The following HSPA4 variants were observed in gnomAD, a reference collection of about 807,000 sequenced individuals.
HSPA4 encodes heat shock 70 kDa protein 4.
In HSPA4, 25 loss-of-function variants were observed where a neutral mutation model predicts 106.2. The observed-to-expected ratio is 0.24, with a 90% confidence interval of 0.17 to 0.33. The LOEUF (loss-of-function observed/expected upper bound fraction) is 0.33. Among genes scored for constraint, HSPA4 ranks in the 10% least tolerant of loss-of-function variants. The probability of loss-of-function intolerance (pLI) is 1.00; values close to 1 mark genes in which losing one functional copy is unlikely to be tolerated. For synonymous variants in HSPA4, 332 were observed against 333.6 expected, an observed-to-expected ratio of 1.00 and a Z score of 0.05; for missense variants, 841 against 996.0, an observed-to-expected ratio of 0.84 and a Z score of 2.10.
intron 1 of HSPA4, among the ~76,000 whole-genome samples, chr5:133,055,307 ATT>A (rs397999293): frequency 6.8e-3 from 409 of 60,020 alleles, no homozygotes; most frequent in African/African-American, 0.014. Context: ...AGGAAGGTTG[ATT>A]TTTTTTTTTT....
chr5:133,068,470 G>C (rs1765339851), intron 3 of HSPA4, among the ~76,000 whole-genome samples: 1 of 152,080 alleles, frequency 6.6e-6, no homozygotes, highest in African/African-American at 2.4e-5. Flanking sequence ...AGGCAGGTGA[G>C]ATTACGGAGA....
intron 13 of HSPA4, among the ~76,000 whole-genome samples, chr5:133,094,188 A>G (rs1458507290): frequency 6.6e-6 from 1 of 152,228 alleles, no homozygotes; most frequent in Non-Finnish European, 1.5e-5. Context: ...AACATTTTTG[A>G]ATCCTTTACA....
rs72667113 is a variant in HSPA4, at chr5:133,089,051, C to G, written c.1138-4C>G. 1.9e-6 allele frequency: 3 copies of G among 1,546,620 alleles called. No individual in the cohort carries two copies. The highest frequency in any genetic ancestry group is 4.5e-5 in the East Asian group (2 of 44,044). ...AACGGAATTTTTGAAAATTATTATT[C>G]TAGTGTGCCATCTTATCGCCTGCTT... On this transcript the variant is annotated splice_polypyrimidine_tract_variant and splice_region_variant and intron_variant, in intron 9 of 18. Transcript: ENST00000304858.
chr5:133,071,341 G>C (rs1030083356), intron 4 of HSPA4, among the ~76,000 whole-genome samples: 3 of 147,930 alleles, frequency 2.0e-5, no homozygotes, highest in African/African-American at 7.5e-5. Context: ...CACACCTGTA[G>C]TCCCAGCTAC....
rs1765640311 is a variant in HSPA4 at position 133,091,012 on chromosome 5, AAAG to A, written c.1379-175_1379-173del. 5.5e-5 allele frequency: 38 copies of A among 692,794 alleles called. No homozygotes were observed. The South Asian group carries it at 5.6e-4, about 10-fold the overall frequency. The allele number at this position is 692,794 out of a possible 1,614,324, so 42.9% of individuals were successfully genotyped here. A position where few individuals can be genotyped will look rare whatever the true frequency, so the allele number is the denominator to read the frequency against. ...CAGGATAAGATAATAAGAGACTGTG[AAAG>A]AAGAAAGAGAAATCTGATGATTTAA... On this transcript the variant is annotated intron_variant, in intron 11 of 18. Transcript: ENST00000304858.
intron 17 of HSPA4, among the ~76,000 whole-genome samples, chr5:133,102,835 CA>C (rs997048339): frequency 2.6e-5 from 4 of 151,286 alleles, no homozygotes; most frequent in Non-Finnish European, 5.9e-5. Context: ...CTCTCTGACT[CA>C]AGCAGTTCTC....
intron 11 of HSPA4, among the ~76,000 whole-genome samples, chr5:133,090,530 A>G (rs1765634752): frequency 6.6e-6 from 1 of 151,818 alleles, no homozygotes; most frequent in Non-Finnish European, 1.5e-5. Flanking sequence ...CGTGTTATCT[A>G]GAGTAGTTAT....
chr5:133,099,750 A>G (rs1378868938), intron 16 of HSPA4, 98 bp downstream of exon 16: 2 of 555,834 alleles, frequency 3.6e-6, no homozygotes, highest in African/African-American at 3.7e-5. Context: ...AGACAGACTG[A>G]AAATGATGTT....
intron 1 of HSPA4, among the ~76,000 whole-genome samples, chr5:133,058,891 G>T (rs1179111233): frequency 6.6e-6 from 1 of 152,100 alleles, no homozygotes; most frequent in Non-Finnish European, 1.5e-5. Flanking sequence ...ACTTTCGAAG[G>T]CCGAGGTGGG....
At position 133,071,661 on chromosome 5, in the gene HSPA4, T is replaced by C. The variant is rs1368789998; in HGVS notation, c.429+1165T>C. On this transcript the variant is annotated intron_variant, in intron 4 of 18. Coordinates refer to ENST00000304858, the MANE Select transcript of HSPA4 (RefSeq NM_002154.4). ...TACTTTAGTTTCATGGCCTCTTTTGTCTTAATGTTGGTGCATTGATTGGCA... is the reference window on the plus strand; with the variant it reads ...TACTTTAGTTTCATGGCCTCTTTTGCCTTAATGTTGGTGCATTGATTGGCA... Among the ~76,000 whole-genome samples the C allele has an allele frequency of 2.0e-5, 3 of 152,202 alleles. 1 individual carries two copies. The highest frequency in any genetic ancestry group is 4.4e-5 in the Non-Finnish European group (3 of 68,040).
intron 1 of HSPA4, among the ~76,000 whole-genome samples, chr5:133,061,938 A>T (rs566467477): frequency 5.9e-5 from 9 of 152,188 alleles, no homozygotes; most frequent in African/African-American, 2.2e-4. Context: ...CCGGTAAACG[A>T]TTACTTTTTA....
At chr5:133,076,945 C>A in intron 7 of HSPA4, 47 bp downstream of exon 7, 1 of 1,458,216 alleles carries the variant, frequency 6.9e-7, no homozygotes, top group South Asian at 1.2e-5. Flanking sequence ...TGAGTTTTCT[C>A]CACATATATT....
At chr5:133,075,096 C>T (rs1053809969) in intron 6 of HSPA4, among the ~76,000 whole-genome samples, 8 of 151,788 alleles carry the variant, frequency 5.3e-5, no homozygotes, top group South Asian at 2.1e-4. Context: ...GAAAAATAGA[C>T]GTTTCCACTT....
chr5:133,088,379 A>ATTT (rs1205101343), intron 8 of HSPA4, 25 bp from the exon 9 acceptor site: 3 of 1,500,974 alleles, frequency 2.0e-6, no homozygotes, highest in Admixed American at 3.6e-5. Context: ...TCATTAAAAA[A>ATTT]ATCTGTCTAA....
chr5:133,095,693 G>C (rs150157705), intron 13 of HSPA4, among the ~76,000 whole-genome samples: 1 of 151,962 alleles, frequency 6.6e-6, no homozygotes, highest in Admixed American at 6.6e-5. Flanking sequence ...ATATTGATAC[G>C]GGATTGTAGG....
chr5:133,057,651 G>A (rs1765184967), intron 1 of HSPA4, among the ~76,000 whole-genome samples: 1 of 152,214 alleles, frequency 6.6e-6, no homozygotes, highest in African/African-American at 2.4e-5. Flanking sequence ...AAGGAAAACA[G>A]TGATATTGTC....
At chr5:133,100,211 G>A (rs1765767075) in intron 16 of HSPA4, among the ~76,000 whole-genome samples, 1 of 151,500 alleles carries the variant, frequency 6.6e-6, no homozygotes, top group Non-Finnish European at 1.5e-5. Flanking sequence ...TTACAGGCGC[G>A]TGCCACCATG....
At chr5:133,103,814 G>C in intron 17 of HSPA4, 51 bp from the exon 18 acceptor site, 1 of 1,489,334 alleles carries the variant, frequency 6.7e-7, no homozygotes. Flanking sequence ...TAGTTGCGGG[G>C]AGGGAGGGTA....
In HSPA4 at chr5:133,052,191, G is replaced by T; in HGVS notation, c.-60G>T. ...GCTTTCCACTCGCTAGCCCCGCCGG[G>T]GGTCCGTGTCCTGTCTCGGTGGCCG... On this transcript the variant is annotated 5_prime_UTR_variant, in exon 1 of 19. Coordinates refer to ENST00000304858, the MANE Select transcript of HSPA4 (RefSeq NM_002154.4). The T allele has an allele frequency of 8.5e-7, 1 of 1,178,036 alleles. No homozygotes were observed. Among genetic ancestry groups the T allele is most frequent in the Non-Finnish European group, 1.2e-6 (1 of 822,692 alleles). The allele number at this position is 1,178,036 out of a possible 1,614,324, so 73.0% of individuals were successfully genotyped here.
Sources: allele counts gnomAD v4.1 joint callset (sites outside exome capture counted in the v4.1 genomes callset), GRCh38; gene constraint gnomAD v4.1.1; transcripts MANE v1.5; gene names NCBI Gene and HGNC (gene_info 2026-07-23, HGNC 2026-07-21).